Variants in KCNK9 observed in about 807,000 individuals in gnomAD.
The protein encoded by KCNK9 is potassium two pore domain channel subfamily K member 9.
KCNK9 carries 1 observed loss-of-function variant against 10.8 expected under a neutral mutation model. That is an observed-to-expected ratio of 0.09 (90% CI 0.03 to 0.44). KCNK9 has a LOEUF of 0.44. Among genes scored for constraint, KCNK9 ranks in the 20% least tolerant of loss-of-function variants. The pLI, the probability that KCNK9 is intolerant of heterozygous loss-of-function variation, is 0.97. For synonymous variants in KCNK9, 231 were observed against 222.7 expected, an observed-to-expected ratio of 1.04 and a Z score of -0.33; for missense variants, 303 against 515.0, an observed-to-expected ratio of 0.59 and a Z score of 3.98.
intron 1 of KCNK9, among the ~76,000 whole-genome samples, chr8:139,635,721 G>C (rs899815162): frequency 7.2e-5 from 11 of 152,094 alleles, no homozygotes; most frequent in African/African-American, 2.4e-4. Flanking sequence ...AATCACAAAA[G>C]AAAGCTAAAG....
At chr8:139,623,811 G>T (rs1381110514) in intron 1 of KCNK9, among the ~76,000 whole-genome samples, 1 of 152,132 alleles carries the variant, frequency 6.6e-6, no homozygotes, top group Non-Finnish European at 1.5e-5. Context: ...TTCTGAAATG[G>T]ATCTGCACAA....
At chr8:139,692,168 T>C (rs1816946820) in intron 1 of KCNK9, among the ~76,000 whole-genome samples, 1 of 152,242 alleles carries the variant, frequency 6.6e-6, no homozygotes, top group Non-Finnish European at 1.5e-5. Flanking sequence ...CAAGGCATTG[T>C]GGAGCCACCT....
intron 1 of KCNK9, among the ~76,000 whole-genome samples, chr8:139,675,818 A>G (rs551459629): frequency 6.6e-5 from 10 of 152,032 alleles, no homozygotes; most frequent in South Asian, 2.1e-4. Flanking sequence ...GCCTCCTGTG[A>G]CAGAACCTGT....
intron 1 of KCNK9, among the ~76,000 whole-genome samples, chr8:139,655,449 G>A (rs905289810): frequency 1.3e-5 from 2 of 152,114 alleles, no homozygotes; most frequent in Non-Finnish European, 2.9e-5. Context: ...TTTCTGGAGC[G>A]CTGAGGTGGG....
chr8:139,618,411 G>C lies in KCNK9; in HGVS notation c.972C>G (p.Pro324=), dbSNP rs779204521. 2 of 1,614,078 alleles carry C rather than the reference G, an allele frequency of 1.2e-6. No homozygotes were observed. The highest frequency in any genetic ancestry group is 1.7e-6 in the Non-Finnish European group (2 of 1,180,040). The change falls in exon 2 of 2, where the codon CCC becomes CCG. Residue 324 remains proline, a synonymous_variant. Transcript: ENST00000520439. The surrounding 1 kb of genome is among the most constrained non-coding windows in gnomAD (Gnocchi z 7.9). ...TGTAAGAGATGGAGTGGAAGTAGTGGGGGGCAAGCTTGGCGCTGAAGGAGT... is the reference window on the plus strand; with the variant it reads ...TGTAAGAGATGGAGTGGAAGTAGTGCGGGGCAAGCTTGGCGCTGAAGGAGT... ...PQNSFSAKLA[P]HYFHSISYKI... is the part of the protein sequence containing the mutation.
chr8:139,648,849 T>G (rs1253453457), intron 1 of KCNK9, among the ~76,000 whole-genome samples: 1 of 152,224 alleles, frequency 6.6e-6, no homozygotes, highest in Non-Finnish European at 1.5e-5. Context: ...CTGGGCTGGA[T>G]GGGGTGTCAT....
intron 1 of KCNK9, among the ~76,000 whole-genome samples, chr8:139,684,503 A>C (rs1191828940): frequency 6.6e-6 from 1 of 152,230 alleles, no homozygotes; most frequent in African/African-American, 2.4e-5. Flanking sequence ...AGCTAAAAAT[A>C]TGAACATATA....
intron 2 of KCNK9, among the ~76,000 whole-genome samples, chr8:139,603,275 C>T (rs1417629759): frequency 2.6e-5 from 4 of 152,154 alleles, no homozygotes; most frequent in Non-Finnish European, 5.9e-5. Flanking sequence ...CACAAGCACC[C>T]GTGTGTTTGG....
At position 139,618,531 on chromosome 8, in the gene KCNK9, G is replaced by A. The variant is rs1354280936; in HGVS notation, c.852C>T (p.Pro284=). The A allele has an allele frequency of 6.2e-7, 1 of 1,613,396 alleles. No individual in the cohort carries two copies. The highest frequency in any genetic ancestry group is 8.5e-7 in the Non-Finnish European group (1 of 1,179,938). ...GGTCCGGGACGTCCGCCTTGTACCT[G>A]GGCCGGCTGGGCCGCGGCTCCTCAG... ...HIPEEPRPSR[P]RYKADVPDLQ... The change falls in exon 2 of 2, where the codon CCC becomes CCT. Residue 284 remains proline, a synonymous_variant. Transcript: ENST00000520439. This position sits in a 1 kb window ranked among gnomAD's most constrained non-coding sequence, Gnocchi z 7.9.
chr8:139,697,615 C>A (rs1450840317), intron 1 of KCNK9, among the ~76,000 whole-genome samples: 1 of 152,056 alleles, frequency 6.6e-6, no homozygotes, highest in African/African-American at 2.4e-5. Context: ...GTTTCACCTA[C>A]TGCTCTGACC....
chr8:139,669,895 TG>T (rs1563744307), intron 1 of KCNK9, among the ~76,000 whole-genome samples: 1 of 152,260 alleles, frequency 6.6e-6, no homozygotes, highest in Non-Finnish European at 1.5e-5. Flanking sequence ...CCTTAATCCA[TG>T]GGCTGCAGAA....
intron 1 of KCNK9, among the ~76,000 whole-genome samples, chr8:139,687,497 TA>T (rs1816829142): frequency 2.6e-5 from 1 of 38,358 alleles, no homozygotes; most frequent in South Asian, 9.3e-4. Context: ...TATACACATA[TA>T]TACATATATA....
intron 1 of KCNK9, among the ~76,000 whole-genome samples, chr8:139,658,221 C>A (rs1816067587): frequency 1.3e-5 from 2 of 152,196 alleles, no homozygotes; most frequent in African/African-American, 4.8e-5. Flanking sequence ...GCTATTACCA[C>A]CCACAGGCCT....
intron 1 of KCNK9, among the ~76,000 whole-genome samples, chr8:139,629,301 G>A (rs578138748): frequency 3.3e-5 from 5 of 152,338 alleles, no homozygotes; most frequent in Middle Eastern, 3.4e-3. Context: ...CCTACACAGC[G>A]TGCCCCAAGA....
At position 139,618,391 on chromosome 8, in the gene KCNK9, G is replaced by A; in HGVS notation, c.992C>T (p.Ser331Phe). Residue 331 changes from serine to phenylalanine, a missense_variant, in exon 2 of 2, where the codon TCT becomes TTT. Physicochemically the swap from Ser to Phe is radical, Grantham distance 155. Transcript: ENST00000520439. This position sits in a 1 kb window ranked among gnomAD's most constrained non-coding sequence, Gnocchi z 7.9. The stretch of plus-strand genomic sequence containing the variant: ...TGGTGAGATCTCCTCGATCTTGTAA[G>A]AGATGGAGTGGAAGTAGTGGGGGGC... ...KLAPHYFHSI[S>F]YKIEEISPST... 1 of 1,614,126 alleles carries A rather than the reference G, an allele frequency of 6.2e-7. No homozygotes were observed. Among genetic ancestry groups the A allele is most frequent in the Non-Finnish European group, 8.5e-7 (1 of 1,180,018 alleles).
At chr8:139,610,609 G>A (rs1358475297), downstream of KCNK9, among the ~76,000 whole-genome samples, 1 of 152,210 alleles carries the variant, frequency 6.6e-6, no homozygotes, top group Admixed American at 6.5e-5. Flanking sequence ...ACAAGGGGAT[G>A]CCACAGAATT....
chr8:139,627,843 T>C (rs982339867), intron 1 of KCNK9, among the ~76,000 whole-genome samples: 4 of 152,188 alleles, frequency 2.6e-5, no homozygotes, highest in South Asian at 2.1e-4. Context: ...GGAGAGGGGC[T>C]GGAAGGTAAC....
In KCNK9 at chr8:139,652,250, C is replaced by A. The variant is rs73724500; in HGVS notation, c.284-33151G>T. On this transcript the variant is annotated intron_variant, in intron 1 of 1. Transcript: ENST00000520439. ...ACAAGACACTGAGTTCCCCTCCCAGCAGACAGGTGGCCCCAACCACCCTGA... is the reference window on the plus strand; with the variant it reads ...ACAAGACACTGAGTTCCCCTCCCAGAAGACAGGTGGCCCCAACCACCCTGA... Among the ~76,000 whole-genome samples, 1,200 of 152,308 alleles carry A rather than the reference C, an allele frequency of 7.9e-3. 15 individuals carry two copies. The highest frequency in any genetic ancestry group is 0.027 in the African/African-American group (1,114 of 41,568).
chr8:139,663,312 G>A (rs1337070694), intron 1 of KCNK9, among the ~76,000 whole-genome samples: 3 of 152,064 alleles, frequency 2.0e-5, no homozygotes, highest in Non-Finnish European at 2.9e-5. Context: ...ACAGGTCAGC[G>A]CGAGGCCAAC....
Sources: allele counts gnomAD v4.1 joint callset (sites outside exome capture counted in the v4.1 genomes callset), GRCh38; gene constraint gnomAD v4.1.1; non-coding constraint Gnocchi (gnomAD v3.1); transcripts MANE v1.5; gene names NCBI Gene and HGNC (gene_info 2026-07-23, HGNC 2026-07-21).